The following NRG3 variants were observed in gnomAD, a reference collection of about 807,000 sequenced individuals.
NRG3 encodes the protein pro-neuregulin-3, membrane-bound isoform.
Under a neutral mutation model 66.9 loss-of-function variants are expected in NRG3, and 31 were observed. That is an observed-to-expected ratio of 0.46 (90% CI 0.35 to 0.63). The LOEUF is 0.63. Ranked by LOEUF, NRG3 falls within the 20% of genes least tolerant of loss-of-function variation. The pLI, the probability that NRG3 is intolerant of heterozygous loss-of-function variation, is 0.00. For synonymous variants in NRG3, 393 were observed against 359.4 expected, an observed-to-expected ratio of 1.09 and a Z score of -1.06; for missense variants, 910 against 878.9, an observed-to-expected ratio of 1.04 and a Z score of -0.45.
chr10:82,854,295 T>G (rs1415493353), intron 3 of NRG3, among the ~76,000 whole-genome samples: 2 of 151,624 alleles, frequency 1.3e-5, no homozygotes, highest in Admixed American at 6.6e-5. Flanking sequence ...ATGGGAAGAG[T>G]TTGTTAGAGG....
intron 4 of NRG3, among the ~76,000 whole-genome samples, chr10:82,940,492 T>C (rs1848492098): frequency 6.6e-6 from 1 of 152,194 alleles, no homozygotes; most frequent in Non-Finnish European, 1.5e-5. Flanking sequence ...CACAGTAATA[T>C]TGGATTAGGA....
At chr10:82,097,424 AAT>A (rs3036602) in intron 1 of NRG3, among the ~76,000 whole-genome samples, 96,791 of 139,798 alleles carry the variant, frequency 0.69, 33,147 homozygotes, top group Non-Finnish European at 0.74. Context: ...ATATATCTGT[AAT>A]ATATATATAT....
At chr10:81,951,921 A>T (rs907405981) in intron 1 of NRG3, among the ~76,000 whole-genome samples, 1 of 152,164 alleles carries the variant, frequency 6.6e-6, no homozygotes, top group Non-Finnish European at 1.5e-5. Flanking sequence ...GCACATATAC[A>T]CCATGGAATA....
At position 82,919,091 on chromosome 10, in the gene NRG3, GTGTGTGTGTA is replaced by G. The variant is rs1284945703; in HGVS notation, c.1055-32368_1055-32359del. On this transcript the variant is annotated intron_variant, in intron 4 of 8. Transcript: ENST00000372141. ...TGTGTGTGTGTGTGTGTGTGTGTGT[GTGTGTGTGTA>G]TGTGTGTGTGTTCCTATTACAAGTA... 1.6e-3 allele frequency among the ~76,000 whole-genome samples: 237 copies of G among 146,518 alleles called. 1 individual carries two copies. The highest frequency in any genetic ancestry group is 3.2e-3 in the Admixed American group (47 of 14,660).
chr10:82,849,119 G>A (rs1296410332), intron 3 of NRG3, among the ~76,000 whole-genome samples: 4 of 152,166 alleles, frequency 2.6e-5, no homozygotes, highest in Admixed American at 6.5e-5. Flanking sequence ...GGCGCTAATC[G>A]AATATAACTG....
intron 2 of NRG3, among the ~76,000 whole-genome samples, chr10:82,585,622 C>G (rs1169600336): frequency 2.0e-5 from 3 of 152,176 alleles, no homozygotes; most frequent in African/African-American, 7.2e-5. Flanking sequence ...ATTGCTGTAC[C>G]AAATGAAATT....
chr10:82,864,675 T>A (rs932961070), intron 3 of NRG3, among the ~76,000 whole-genome samples: 25 of 152,202 alleles, frequency 1.6e-4, no homozygotes, highest in African/African-American at 4.8e-4. Context: ...GCTCTGCTGA[T>A]CAGGCAGATG....
intron 2 of NRG3, among the ~76,000 whole-genome samples, chr10:82,720,260 C>T (rs1456370163): frequency 6.6e-6 from 1 of 152,020 alleles, no homozygotes; most frequent in Non-Finnish European, 1.5e-5. Flanking sequence ...TGTGGTGGCG[C>T]ATTCCTGTAA....
At chr10:82,310,247 C>T (rs1263509586) in intron 1 of NRG3, among the ~76,000 whole-genome samples, 2 of 152,140 alleles carry the variant, frequency 1.3e-5, no homozygotes, top group African/African-American at 4.8e-5. Context: ...ATGGGGCAGG[C>T]ACCAAAAAGG....
At chr10:81,902,566 A>G (rs988782513) in intron 1 of NRG3, among the ~76,000 whole-genome samples, 7 of 152,164 alleles carry the variant, frequency 4.6e-5, no homozygotes, top group Admixed American at 2.6e-4. Context: ...GGTGGCCCTC[A>G]TGAAATAGAC....
chr10:82,543,784 A>G (rs2043708445), intron 2 of NRG3, among the ~76,000 whole-genome samples: 2 of 152,352 alleles, frequency 1.3e-5, no homozygotes, highest in Middle Eastern at 6.8e-3. Context: ...GCTCCTGCAC[A>G]TCAGGGCTCA....
At chr10:82,886,747 C>T (rs1842752781) in intron 4 of NRG3, among the ~76,000 whole-genome samples, 2 of 152,144 alleles carry the variant, frequency 1.3e-5, no homozygotes, top group African/African-American at 4.8e-5. Context: ...CAAGTAAAGA[C>T]AAAGTTAGGT....
chr10:82,457,461 C>T (rs1009220643), intron 2 of NRG3, among the ~76,000 whole-genome samples: 8 of 152,054 alleles, frequency 5.3e-5, no homozygotes, highest in Admixed American at 5.2e-4. Context: ...TGGTAATGCT[C>T]GCTTACCCAC....
intron 2 of NRG3, among the ~76,000 whole-genome samples, chr10:82,694,050 A>C (rs1298850340): frequency 6.6e-6 from 1 of 152,154 alleles, no homozygotes; most frequent in Admixed American, 6.5e-5. Context: ...ATTTTTACAG[A>C]GTGCTGATTG....
intron 2 of NRG3, among the ~76,000 whole-genome samples, chr10:82,705,552 G>A (rs908610580): frequency 1.2e-4 from 19 of 152,140 alleles, no homozygotes; most frequent in Non-Finnish European, 2.9e-5. Context: ...AAGCTGCAGG[G>A]TCCACAAGTG....
intron 2 of NRG3, among the ~76,000 whole-genome samples, chr10:82,723,399 C>G (rs1305189250): frequency 6.6e-6 from 1 of 152,054 alleles, no homozygotes; most frequent in Non-Finnish European, 1.5e-5. Context: ...GTCGATTGAA[C>G]CCCAGAATCT....
chr10:82,596,746 G>A (rs2047305687), intron 2 of NRG3, among the ~76,000 whole-genome samples: 1 of 152,178 alleles, frequency 6.6e-6, no homozygotes, highest in Admixed American at 6.5e-5. Context: ...CAATCTGAGA[G>A]TGGAGGCCAG....
chr10:82,082,710 C>T (rs1429485872), intron 1 of NRG3, among the ~76,000 whole-genome samples: 1 of 152,188 alleles, frequency 6.6e-6, no homozygotes, highest in Non-Finnish European at 1.5e-5. Flanking sequence ...CAATTCATTG[C>T]TCTTCTGCAG....
At chr10:82,462,530 G>A (rs1164361311) in intron 2 of NRG3, among the ~76,000 whole-genome samples, 2 of 152,084 alleles carry the variant, frequency 1.3e-5, no homozygotes, top group African/African-American at 4.8e-5. Flanking sequence ...TTTGTTTGGG[G>A]CAGGAGCATC....
Sources: gnomAD v4.1 joint callset for allele counts (sites outside exome capture counted in the v4.1 genomes callset) on GRCh38, gnomAD v4.1.1 for gene constraint, MANE v1.5 for transcripts, NCBI Gene and HGNC (gene_info 2026-07-23, HGNC 2026-07-21) for gene names.